Variants in SPEN observed in about 807,000 individuals in gnomAD.
The protein encoded by SPEN is msx2-interacting protein.
SPEN carries 18 observed loss-of-function variants against 269.9 expected under a neutral mutation model. The observed-to-expected ratio is 0.07, with a 90% CI of 0.05 to 0.10. SPEN has a LOEUF of 0.10. Among genes scored for constraint, SPEN ranks in the 10% least tolerant of loss-of-function variants. The pLI, the probability that SPEN is intolerant of heterozygous loss-of-function variation, is 1.00. For missense variants in SPEN, 3,822 were observed against 4,631.2 expected (o/e 0.83, Z 5.07); for synonymous variants, 1,726 against 1,765.7 (o/e 0.98, Z 0.56).
At chr1:15,919,749 CAT>C (rs111700902) in intron 8 of SPEN, among the ~76,000 whole-genome samples, 4 of 152,286 alleles carry the variant, frequency 2.6e-5, no homozygotes, top group African/African-American at 9.6e-5. Flanking sequence ...AAACTATTCT[CAT>C]AGTATAAATA....
rs1329544498 is a variant in SPEN at position 15,909,526 on chromosome 1, G to T, written c.1042+45G>T. The stretch of plus-strand genomic sequence containing the variant: ...TCCTTTCCTCTGTGCTACTACTGAG[G>T]AATGAGGTATGATACTGCATTACAT... On this transcript the variant is annotated intron_variant, in intron 4 of 14. Coordinates refer to ENST00000375759, the MANE Select transcript of SPEN (RefSeq NM_015001.3). The T allele has an allele frequency of 1.9e-6, 3 of 1,574,144 alleles. No homozygotes were observed. The Admixed American group carries it at 5.3e-5, about 28-fold the overall frequency.
intron 1 of SPEN, among the ~76,000 whole-genome samples, chr1:15,858,990 C>G (rs1018495694): frequency 6.6e-6 from 1 of 152,090 alleles, no homozygotes; most frequent in Non-Finnish European, 1.5e-5. Flanking sequence ...TAGTGTATAG[C>G]TATTATATGT....
chr1:15,899,537 G>GTTTTTTT (rs34565365), intron 3 of SPEN, among the ~76,000 whole-genome samples: 2 of 83,432 alleles, frequency 2.4e-5, no homozygotes, highest in Non-Finnish European at 4.5e-5. Flanking sequence ...ATGTGGCAGA[G>GTTTTTTT]TTTTTTTTTT....
intron 1 of SPEN, among the ~76,000 whole-genome samples, chr1:15,871,422 T>A (rs1339237741): frequency 6.6e-6 from 1 of 152,028 alleles, no homozygotes; most frequent in African/African-American, 2.4e-5. Context: ...CACACTGCAA[T>A]CTCCACCTCC....
Position 15,929,526 on chromosome 1 carries a change from G to A in SPEN, c.3286G>A (p.Val1096Met). ...ARLGELAGESVENQEVQSKKP... is the reference protein window; with the variant it reads ...ARLGELAGESMENQEVQSKKP... ...ACTGGGAGAACTAGCAGGTGAATCT[G>A]TGGAAAATCAAGAAGTCCAATCAAA... The change falls in exon 11 of 15, where the codon GTG (valine) becomes ATG (methionine). Residue 1096 changes from valine to methionine, a missense_variant. Physicochemically the swap from Val to Met is conservative, Grantham distance 21 (BLOSUM62 1). Transcript: ENST00000375759. The surrounding 1 kb of genome is among the most constrained non-coding windows in gnomAD (Gnocchi z 5.8). The A allele has an allele frequency of 1.2e-6, 2 of 1,613,822 alleles. No individual in the cohort carries two copies. Among genetic ancestry groups the A allele is most frequent in the Non-Finnish European group, 1.7e-6 (2 of 1,179,930 alleles).
intron 3 of SPEN, among the ~76,000 whole-genome samples, chr1:15,895,321 A>G (rs140668316): frequency 6.6e-6 from 1 of 151,952 alleles, no homozygotes; most frequent in Non-Finnish European, 1.5e-5. Context: ...AATAACTCCC[A>G]TTCCTCCCTC....
chr1:15,928,443 C>G lies in SPEN; in HGVS notation c.2203C>G (p.Gln735Glu). ...AAGTCCTGTTCACTTGCGACGTCCACAGAGTCCTGGAGCGTCTCCCTCTCA... is the reference window on the plus strand; with the variant it reads ...AAGTCCTGTTCACTTGCGACGTCCAGAGAGTCCTGGAGCGTCTCCCTCTCA... ...SQSPVHLRRP[Q>E]SPGASPSQAE... Residue 735 changes from glutamine (Q) to glutamate (E), a missense_variant, in exon 11 of 15, where the codon CAG becomes GAG. Coordinates refer to ENST00000375759, the MANE Select transcript of SPEN (RefSeq NM_015001.3). The surrounding 1 kb of genome is among the most constrained non-coding windows in gnomAD (Gnocchi z 5.7). The G allele has an allele frequency of 3.1e-6, 5 of 1,614,160 alleles. No homozygotes were observed. Among genetic ancestry groups the G allele is most frequent in the Non-Finnish European group, 4.2e-6 (5 of 1,180,036 alleles).
At chr1:15,922,080 T>A (rs2071124969) in intron 9 of SPEN, among the ~76,000 whole-genome samples, 169 bp from the exon 10 acceptor site, 1 of 152,206 alleles carries the variant, frequency 6.6e-6, no homozygotes, top group African/African-American at 2.4e-5. Context: ...ATTTGAGAGA[T>A]TTCAGGTTAA....
rs923377244 is a variant in SPEN, at chr1:15,899,273, C to T, written c.882-10048C>T. ...GCAACCTTGACTTCCCAGGTTCAAG[C>T]CATCTTCCTGACTCAGCACCCCCGC... On this transcript the variant is annotated intron_variant, in intron 3 of 14. Coordinates refer to ENST00000375759, the MANE Select transcript of SPEN (RefSeq NM_015001.3). 3.3e-5 allele frequency among the ~76,000 whole-genome samples: 5 copies of T among 152,246 alleles called. No individual in the cohort carries two copies. The East Asian group carries it at 7.7e-4, about 24-fold the overall frequency.
chr1:15,909,268 C>T, intron 3 of SPEN, 53 bp from the exon 4 acceptor site: 4 of 1,565,950 alleles, frequency 2.6e-6, no homozygotes, highest in Non-Finnish European at 3.5e-6. Flanking sequence ...TCTAATGCTG[C>T]TCATTTTCTG....
At chr1:15,904,793 ATC>A (rs2070939543) in intron 3 of SPEN, among the ~76,000 whole-genome samples, 1 of 151,648 alleles carries the variant, frequency 6.6e-6, no homozygotes, top group Non-Finnish European at 1.5e-5. Context: ...TTTATAATAA[ATC>A]TGTTTAAATG....
At position 15,935,851 on chromosome 1, in the gene SPEN, C is replaced by T. The variant is rs201781067; in HGVS notation, c.9611C>T (p.Thr3204Met). The T allele has an allele frequency of 2.0e-5, 33 of 1,613,766 alleles. No homozygotes were observed. Among genetic ancestry groups the T allele is most frequent in the Middle Eastern group, 1.7e-4 (1 of 6,060 alleles). ...AGGATCATGGTGCATCCACATGTGA[C>T]GGCAGTCAGCGAGCAGCCCAGGGCC... ...DVRIMVHPHV[T>M]AVSEQPRAAD... The change falls in exon 11 of 15, where the codon ACG becomes ATG. Residue 3204 changes from threonine (T) to methionine (M), a missense_variant. Around this residue, in one of 16 missense-constraint regions of SPEN, gnomAD observed 153 missense variants for 228.5 expected, o/e 0.67. Transcript: ENST00000375759. This position sits in a 1 kb window ranked among gnomAD's most constrained non-coding sequence, Gnocchi z 7.7.
At chr1:15,850,198 G>T (rs2070320245) in intron 1 of SPEN, among the ~76,000 whole-genome samples, 1 of 152,110 alleles carries the variant, frequency 6.6e-6, no homozygotes, top group South Asian at 2.1e-4. Flanking sequence ...GGGAGGAGGG[G>T]GCGGAGGATT....
chr1:15,920,423 A>G (rs943606554), intron 8 of SPEN, among the ~76,000 whole-genome samples: 7 of 152,356 alleles, frequency 4.6e-5, no homozygotes, highest in Admixed American at 3.9e-4. Context: ...GATTGCCTGT[A>G]TAAAAAAATC....
intron 13 of SPEN, 68 bp downstream of exon 13, chr1:15,938,074 C>T (rs2071295326): frequency 1.5e-6 from 2 of 1,354,716 alleles, no homozygotes; most frequent in Non-Finnish European, 2.0e-6. Context: ...TAGTCCCTGC[C>T]AGCCCATCTC....
intron 10 of SPEN, among the ~76,000 whole-genome samples, chr1:15,926,169 G>A (rs1455738073): frequency 6.6e-6 from 1 of 152,104 alleles, no homozygotes; most frequent in Non-Finnish European, 1.5e-5. Flanking sequence ...ACTGAGGCGG[G>A]CAGATCACCA....
At chr1:15,891,109 T>C (rs1327256740) in intron 3 of SPEN, among the ~76,000 whole-genome samples, 1 of 152,192 alleles carries the variant, frequency 6.6e-6, no homozygotes, top group Non-Finnish European at 1.5e-5. Context: ...CCCAGAAATA[T>C]ATGTGTGTGG....
At chr1:15,880,789 A>G (rs1285321023) in intron 3 of SPEN, among the ~76,000 whole-genome samples, 1 of 152,116 alleles carries the variant, frequency 6.6e-6, no homozygotes, top group Non-Finnish European at 1.5e-5. Flanking sequence ...CATAAAAAGA[A>G]CAGTGAGATA....
At chr1:15,901,929 T>G (rs1490752544) in intron 3 of SPEN, among the ~76,000 whole-genome samples, 1 of 20,404 alleles carries the variant, frequency 4.9e-5, no homozygotes, top group African/African-American at 1.0e-3. Flanking sequence ...ATTTATTTAG[T>G]TTTTTTTTTT....
Sources: allele counts gnomAD v4.1 joint callset (sites outside exome capture counted in the v4.1 genomes callset), GRCh38; gene constraint gnomAD v4.1.1; regional missense constraint gnomAD v4.1.1; non-coding constraint Gnocchi (gnomAD v3.1); transcripts MANE v1.5; gene names NCBI Gene and HGNC (gene_info 2026-07-23, HGNC 2026-07-21).